The following FGFR1 variants were observed in gnomAD, a reference collection of about 807,000 sequenced individuals.
FGFR1 encodes the protein FGFR1/PLAG1 fusion.
FGFR1 carries 18 observed loss-of-function variants against 93.7 expected under a neutral mutation model. The observed-to-expected ratio is 0.19, with a 90% CI of 0.13 to 0.28. The LOEUF is 0.28. FGFR1 is among the 10% of genes least tolerant of loss of function. FGFR1 has a pLI of 1.00. For missense variants in FGFR1, 731 were observed against 1,080.4 expected (o/e 0.68, Z 4.53); for synonymous variants, 448 against 429.3 (o/e 1.04, Z -0.54).
intron 2 of FGFR1, among the ~76,000 whole-genome samples, chr8:38,436,012 T>C (rs956171886): frequency 6.6e-6 from 1 of 152,218 alleles, no homozygotes; most frequent in Non-Finnish European, 1.5e-5. Context: ...CTGGATTCCC[T>C]GGTGACCTAG....
rs2150591547 is a variant in FGFR1 at position 38,416,040 on chromosome 8, C to G, written c.1684G>C (p.Glu562Gln). 1 of 1,612,988 alleles carries G rather than the reference C, an allele frequency of 6.2e-7. No homozygotes were observed. The highest frequency in any genetic ancestry group is 8.5e-7 in the Non-Finnish European group (1 of 1,179,820). Residue 562 changes from glutamate to glutamine, a missense_variant, in exon 13 of 18, where the codon GAG becomes CAG. Around this residue, in one of 10 missense-constraint regions of FGFR1, gnomAD observed 62 missense variants for 99.5 expected, o/e 0.62. Coordinates refer to ENST00000447712, the MANE Select transcript of FGFR1 (RefSeq NM_023110.3). Reference sequence around the variant, plus strand: ...CGCAGGTTGCCCTTGGAGGCATACTCCACGATGACATACAAGGGACCTGCA... The same window carrying G: ...CGCAGGTTGCCCTTGGAGGCATACTGCACGATGACATACAAGGGACCTGCA... ...TQDGPLYVIVEYASKGNLREY... is the reference protein window; with the variant it reads ...TQDGPLYVIVQYASKGNLREY...
At chr8:38,420,012 T>C (rs182806372) in intron 8 of FGFR1, 2 of 461,250 alleles carry the variant, frequency 4.3e-6, no homozygotes, top group East Asian at 4.0e-5. Flanking sequence ...CTGAGCCTCC[T>C]TGCTCAGCTG....
chr8:38,455,152 T>G (rs891292064), intron 2 of FGFR1, among the ~76,000 whole-genome samples: 7 of 152,076 alleles, frequency 4.6e-5, no homozygotes, highest in African/African-American at 1.7e-4. Context: ...ATTTTTCTAT[T>G]TTTTGTAGAC....
intron 6 of FGFR1, among the ~76,000 whole-genome samples, chr8:38,425,308 G>A (rs1265244190): frequency 6.6e-6 from 1 of 152,050 alleles, no homozygotes; most frequent in African/African-American, 2.4e-5. Flanking sequence ...CACTGCACTA[G>A]GCTAATTTTT....
chr8:38,413,499 G>A lies in FGFR1; in HGVS notation c.*129C>T. On this transcript the variant is annotated 3_prime_UTR_variant, in exon 18 of 18. Coordinates refer to ENST00000447712, the MANE Select transcript of FGFR1 (RefSeq NM_023110.3). The surrounding 1 kb of genome is among the most constrained non-coding windows in gnomAD (Gnocchi z 4.2). The stretch of plus-strand genomic sequence containing the variant: ...GGGTGAAGGCAGGCCACACAGGAAG[G>A]CCCCTGGTAGGCAGCCGGCTCCTGC... 2 of 1,019,176 alleles carry A rather than the reference G, an allele frequency of 2.0e-6. No homozygotes were observed. Among genetic ancestry groups the A allele is most frequent in the Non-Finnish European group, 1.4e-6 (1 of 697,952 alleles). The allele number at this position is 1,019,176 out of a possible 1,614,324, so 63.1% of individuals were successfully genotyped here. A position where few individuals can be genotyped will look rare whatever the true frequency, so the allele number is the denominator to read the frequency against.
At chr8:38,461,219 G>T in intron 1 of FGFR1, 1 of 1,338,286 alleles carries the variant, frequency 7.5e-7, no homozygotes, top group Non-Finnish European at 1.0e-6. Context: ...GATAGCAGGG[G>T]CTGGACGGAC....
chr8:38,437,776 C>G (rs1401161050), intron 2 of FGFR1, among the ~76,000 whole-genome samples: 1 of 152,156 alleles, frequency 6.6e-6, no homozygotes, highest in East Asian at 1.9e-4. Flanking sequence ...TCCCAGGGAA[C>G]ACACCTCTCT....
chr8:38,428,633 C>G (rs1821680083), intron 3 of FGFR1, 198 bp from the exon 4 acceptor site: 1 of 598,990 alleles, frequency 1.7e-6, no homozygotes, highest in African/African-American at 1.8e-5. Flanking sequence ...CCCCGAAGCA[C>G]TGCCCCCACT....
chr8:38,413,799 G>A lies in FGFR1; in HGVS notation c.2298C>T (p.Tyr766=), dbSNP rs376173540. 2.6e-4 allele frequency: 412 copies of A among 1,613,944 alleles called. 1 individual carries two copies. Among genetic ancestry groups the A allele is most frequent in the Non-Finnish European group, 3.4e-4 (396 of 1,179,994 alleles). The stretch of plus-strand genomic sequence containing the variant: ...GGTCCAGGGGCATGGACAGGTCCAG[G>A]TACTCCTGTGATGGGCGAGAGGAAG... ...RIVALTSNQE[Y]LDLSMPLDQY... Residue 766 remains tyrosine (Y), a synonymous_variant, in exon 18 of 18, where the codon TAC becomes TAT. Coordinates refer to ENST00000447712, the MANE Select transcript of FGFR1 (RefSeq NM_023110.3). The surrounding 1 kb of genome is among the most constrained non-coding windows in gnomAD (Gnocchi z 4.2).
rs1402335967 is a variant in FGFR1 at position 38,468,479 on chromosome 8, A to AG, written c.-588dup. 4.4e-6 allele frequency: 1 copy of AG among 228,466 alleles called. No individual in the cohort carries two copies. The highest frequency in any genetic ancestry group is 2.2e-5 in the African/African-American group (1 of 44,996). 14.2% of individuals were successfully genotyped at this position (228,466 alleles called of 1,614,324 possible). On this transcript the variant is annotated 5_prime_UTR_variant, in exon 1 of 18. Coordinates refer to ENST00000447712, the MANE Select transcript of FGFR1 (RefSeq NM_023110.3). ...GGCGAGGTCGCCGCAATGCGCTACG[A>AG]GGGGTCTCGGTCCCGTCCGGACGTG... is the stretch of plus-strand genomic sequence containing the variant.
chr8:38,463,204 C>T, intron 1 of FGFR1: 1 of 167,464 alleles, frequency 6.0e-6, no homozygotes, highest in Non-Finnish European at 1.3e-5. Flanking sequence ...CTGTGACCAG[C>T]TGCTCATGTT....
At chr8:38,433,627 CCT>C (rs1198249497) in intron 2 of FGFR1, among the ~76,000 whole-genome samples, 1 of 152,050 alleles carries the variant, frequency 6.6e-6, no homozygotes, top group Non-Finnish European at 1.5e-5. Flanking sequence ...CCAGCCAGAC[CCT>C]GTCTTAAAAC....
chr8:38,426,076 G>A lies in FGFR1; in HGVS notation c.745+46C>T, dbSNP rs2150854837. 3.7e-6 allele frequency: 6 copies of A among 1,613,308 alleles called. No homozygotes were observed. The highest frequency in any genetic ancestry group is 5.1e-6 in the Non-Finnish European group (6 of 1,179,866). On this transcript the variant is annotated intron_variant, in intron 6 of 17. Transcript: ENST00000447712. This position sits in a 1 kb window ranked among gnomAD's most constrained non-coding sequence, Gnocchi z 4.1. The stretch of plus-strand genomic sequence containing the variant: ...ACCCCGGCTGTGTTCTCCAAGCCTG[G>A]CTCTTCCCACTAAACTCATTCCTCC...
Position 38,468,305 on chromosome 8 carries a change from C to T in FGFR1, c.-413G>A, listed in dbSNP as rs984098100. 30 of 227,930 alleles carry T rather than the reference C, an allele frequency of 1.3e-4. No individual in the cohort carries two copies. The highest frequency in any genetic ancestry group is 5.2e-5 in the Non-Finnish European group (6 of 114,572). The allele number at this position is 227,930 out of a possible 1,614,324, so 14.1% of individuals were successfully genotyped here. On this transcript the variant is annotated 5_prime_UTR_variant, in exon 1 of 18. Coordinates refer to ENST00000447712, the MANE Select transcript of FGFR1 (RefSeq NM_023110.3). ...CGCCTCACTTTCCTTGCAGACCGGGCTCCATCGCCCTGCGGAGGCCCCGGC... is the reference window on the plus strand; with the variant it reads ...CGCCTCACTTTCCTTGCAGACCGGGTTCCATCGCCCTGCGGAGGCCCCGGC...
At chr8:38,460,977 G>A (rs1183486263) in intron 1 of FGFR1, 37 of 1,328,300 alleles carry the variant, frequency 2.8e-5, no homozygotes, top group South Asian at 1.0e-4. Context: ...CCCCCGCCCC[G>A]TCTCTCCAAT....
In FGFR1 at chr8:38,413,864, G is replaced by A. The variant is rs886189861; in HGVS notation, c.2292+54C>T. The A allele has an allele frequency of 3.1e-6, 5 of 1,613,438 alleles. No individual in the cohort carries two copies. In the South Asian group the frequency reaches 4.4e-5, roughly 14 times the overall value. ...GCCCCTCCTCCCTGCTCAGGGAGGT[G>A]CGTGCACGCAGTGGGGACGGCCTGA... is the stretch of plus-strand genomic sequence containing the variant. On this transcript the variant is annotated intron_variant, in intron 17 of 17. Coordinates refer to ENST00000447712, the MANE Select transcript of FGFR1 (RefSeq NM_023110.3). The surrounding 1 kb of genome is among the most constrained non-coding windows in gnomAD (Gnocchi z 4.2).
intron 2 of FGFR1, among the ~76,000 whole-genome samples, chr8:38,437,463 CA>C (rs1276319006): frequency 6.6e-6 from 1 of 152,164 alleles, no homozygotes; most frequent in Non-Finnish European, 1.5e-5. Context: ...GGACCAAGTA[CA>C]GGCAGGTCTA....
At chr8:38,441,254 G>A (rs1827357716) in intron 2 of FGFR1, among the ~76,000 whole-genome samples, 2 of 152,178 alleles carry the variant, frequency 1.3e-5, no homozygotes, top group Non-Finnish European at 2.9e-5. Flanking sequence ...TCTATGCACG[G>A]ATTCATCTGA....
In FGFR1 at chr8:38,429,006, T is replaced by C. The variant is rs1013023618; in HGVS notation, c.359-571A>G. 4.6e-5 allele frequency: 15 copies of C among 325,400 alleles called. No homozygotes were observed. The highest frequency in any genetic ancestry group is 3.0e-4 in the African/African-American group (14 of 46,226). 20.2% of individuals were successfully genotyped at this position (325,400 alleles called of 1,614,324 possible). ...TATTTATTTCTTGTAAGAACACGCT[T>C]GATACACATGTGGTCACCCATCAGG... On this transcript the variant is annotated intron_variant, in intron 3 of 17. Coordinates refer to ENST00000447712, the MANE Select transcript of FGFR1 (RefSeq NM_023110.3). The surrounding 1 kb of genome is among the most constrained non-coding windows in gnomAD (Gnocchi z 4.4).
Sources: allele counts gnomAD v4.1 joint callset (sites outside exome capture counted in the v4.1 genomes callset), GRCh38; gene constraint gnomAD v4.1.1; regional missense constraint gnomAD v4.1.1; non-coding constraint Gnocchi (gnomAD v3.1); transcripts MANE v1.5; gene names NCBI Gene and HGNC (gene_info 2026-07-23, HGNC 2026-07-21).